The following KCNH6 variants were observed in gnomAD, a reference collection of about 807,000 sequenced individuals.
KCNH6 encodes voltage-gated inwardly rectifying potassium channel KCNH6.
In KCNH6, 81 loss-of-function variants were observed where a neutral mutation model predicts 83.4. The ratio of observed to expected loss-of-function variants is 0.97; its 90% CI spans 0.81 to 1.17. The LOEUF (loss-of-function observed/expected upper bound fraction) is 1.17. KCNH6 is among the 50% of genes most tolerant of loss of function. The pLI, the probability that KCNH6 is intolerant of heterozygous loss-of-function variation, is 0.00. For missense variants in KCNH6, 1,203 were observed against 1,290.5 expected (o/e 0.93, Z 1.04); for synonymous variants, 503 against 545.6 (o/e 0.92, Z 1.09).
chr17:63,544,037 G>C (rs1430929465), intron 10 of KCNH6: 2 of 1,579,956 alleles, frequency 1.3e-6, no homozygotes, highest in African/African-American at 1.4e-5. Context: ...TGGGGCCCCA[G>C]TTCCCCTCTA....
At position 63,530,422 on chromosome 17, in the gene KCNH6, G is replaced by T; in HGVS notation, c.555G>T (p.Thr185=). 6.2e-7 allele frequency: 1 copy of T among 1,614,232 alleles called. No individual in the cohort carries two copies. The highest frequency in any genetic ancestry group is 8.5e-7 in the Non-Finnish European group (1 of 1,180,044). The change falls in exon 4 of 13, where the codon ACG becomes ACT. Residue 185 remains threonine, a synonymous_variant. Coordinates refer to ENST00000314672, the MANE Select transcript of KCNH6 (RefSeq NM_001278919.2). Reference sequence around the variant, plus strand: ...CCATCAGCCAGATCCCACAGTTCACGCTCAACTTCGTGGAGTTCAACTTGG... The same window carrying T: ...CCATCAGCCAGATCCCACAGTTCACTCTCAACTTCGTGGAGTTCAACTTGG... ...YRTISQIPQF[T]LNFVEFNLEK... is the part of the protein sequence containing the mutation.
At position 63,545,907 on chromosome 17, in the gene KCNH6, C is replaced by T. The variant is rs368568960; in HGVS notation, c.*5C>T. On this transcript the variant is annotated 3_prime_UTR_variant, in exon 13 of 13. Coordinates refer to ENST00000314672, the MANE Select transcript of KCNH6 (RefSeq NM_001278919.2). Reference sequence around the variant, plus strand: ...GCAGGGAGTTGGGGCCACTGAACTCCAAGATAAAGACACCATGAGGGGACT... The same window carrying T: ...GCAGGGAGTTGGGGCCACTGAACTCTAAGATAAAGACACCATGAGGGGACT... 1.5e-5 allele frequency: 25 copies of T among 1,612,920 alleles called. No homozygotes were observed. Among genetic ancestry groups the T allele is most frequent in the Non-Finnish European group, 2.1e-5 (25 of 1,179,574 alleles).
rs778819571 is a variant in KCNH6 at position 63,545,089 on chromosome 17, G to A, written c.2408G>A (p.Arg803His). The change falls in exon 12 of 13, where the codon CGC becomes CAC. Residue 803 changes from arginine to histidine, a missense_variant. Arg to His is a conservative substitution (Grantham distance 29). Transcript: ENST00000314672. ...LQAQMNRLES[R>H]VSSDLSRILQ... ...GTTCTGTCTGGCAGGCTGGAGTCCC[G>A]CGTGTCCTCAGACCTCAGCCGCATC... The A allele has an allele frequency of 3.2e-5, 52 of 1,612,928 alleles. No homozygotes were observed. The highest frequency in any genetic ancestry group is 6.7e-5 in the East Asian group (3 of 44,898).
rs764346088 is a variant in KCNH6, at chr17:63,545,207, C to T, written c.2526C>T (p.Ala842=). Residue 842 remains alanine, a synonymous_variant, in exon 12 of 13, where the codon GCC becomes GCT. Transcript: ENST00000314672. Reference sequence around the variant, plus strand: ...ATGACCTGGCCTTGGTTCCTATAGCCTCGGAGACGACGAGTCCAGGGCCCA... The same window carrying T: ...ATGACCTGGCCTTGGTTCCTATAGCTTCGGAGACGACGAGTCCAGGGCCCA... The part of the protein sequence containing the change: ...ASNDLALVPI[A]SETTSPGPRL... 1.7e-5 allele frequency: 28 copies of T among 1,613,684 alleles called. No individual in the cohort carries two copies. The highest frequency in any genetic ancestry group is 2.2e-5 in the Non-Finnish European group (26 of 1,180,040).
rs909521382 is a variant in KCNH6, at chr17:63,535,186, G to A, written c.1102-483G>A. On this transcript the variant is annotated intron_variant, in intron 5 of 12. Transcript: ENST00000314672. This position sits in a 1 kb window ranked among gnomAD's most constrained non-coding sequence, Gnocchi z 4.9. The stretch of plus-strand genomic sequence containing the variant: ...AGCCCACAGGCAGCAGCCCCTGCCC[G>A]CCCTGCCCTTCCCAGGCACGGCTCT... Among the ~76,000 whole-genome samples, 1 of 152,132 alleles carries A rather than the reference G, an allele frequency of 6.6e-6. No homozygotes were observed. The highest frequency in any genetic ancestry group is 2.1e-4 in the South Asian group (1 of 4,828).
chr17:63,533,846 G>A lies in KCNH6; in HGVS notation c.676-40G>A. On this transcript the variant is annotated intron_variant, in intron 4 of 12. Transcript: ENST00000314672. The surrounding 1 kb of genome is among the most constrained non-coding windows in gnomAD (Gnocchi z 4.1). ...CCTCTAGGCCAGTCTCACCAGCAGTGGCTGCCCCGTGCCTGACCTCCCTCG... is the reference window on the plus strand; with the variant it reads ...CCTCTAGGCCAGTCTCACCAGCAGTAGCTGCCCCGTGCCTGACCTCCCTCG... The A allele has an allele frequency of 6.3e-7, 1 of 1,579,756 alleles. No homozygotes were observed. Among genetic ancestry groups the A allele is most frequent in the Non-Finnish European group, 8.6e-7 (1 of 1,162,672 alleles).
intron 4 of KCNH6, 130 bp downstream of exon 4, chr17:63,530,672 G>A: frequency 1.3e-6 from 1 of 793,858 alleles, no homozygotes; most frequent in East Asian, 2.7e-5. Context: ...TCTAATATCT[G>A]GTTTGAGCCC....
chr17:63,538,248 G>C lies in KCNH6; in HGVS notation c.1685G>C (p.Gly562Ala). The C allele has an allele frequency of 1.2e-6, 2 of 1,614,134 alleles. No individual in the cohort carries two copies. The highest frequency in any genetic ancestry group is 1.7e-6 in the Non-Finnish European group (2 of 1,180,026). The change falls in exon 7 of 13, where the codon GGC becomes GCC. Residue 562 changes from glycine (G) to alanine (A), a missense_variant. Transcript: ENST00000314672. This position sits in a 1 kb window ranked among gnomAD's most constrained non-coding sequence, Gnocchi z 4.0. Reference sequence around the variant, plus strand: ...CAGCACGCCTGGTCCTACACCAATGGCATTGACATGAACGCGGTGAGCCCC... The same window carrying C: ...CAGCACGCCTGGTCCTACACCAATGCCATTGACATGAACGCGGTGAGCCCC... ...YFQHAWSYTN[G>A]IDMNAVLKGF...
rs1255531210 is a variant in KCNH6, at chr17:63,530,497, T to C, written c.630T>C (p.His210=). 6.2e-7 allele frequency: 1 copy of C among 1,614,058 alleles called. No individual in the cohort carries two copies. The highest frequency in any genetic ancestry group is 1.1e-5 in the South Asian group (1 of 91,082). Residue 210 remains histidine (H), a synonymous_variant, in exon 4 of 13, where the codon CAT becomes CAC. Transcript: ENST00000314672. ...STTEIEIIAP[H]KVVERTQNVT... ...CGGAGATTGAGATCATCGCGCCCCA[T>C]AAGGTGGTGGAGCGGACACAGAACG... is the stretch of plus-strand genomic sequence containing the variant.
At position 63,544,229 on chromosome 17, in the gene KCNH6, C is replaced by A; in HGVS notation, c.2234-20C>A. The A allele has an allele frequency of 6.3e-7, 1 of 1,586,130 alleles. No homozygotes were observed. Among genetic ancestry groups the A allele is most frequent in the Non-Finnish European group, 8.6e-7 (1 of 1,163,232 alleles). ...TGGAACCAGCTAGGCCCAGCTGAGA[C>A]TTCCCTTTCCCTCCTGCAGATGCAG... On this transcript the variant is annotated intron_variant, in intron 10 of 12. Coordinates refer to ENST00000314672, the MANE Select transcript of KCNH6 (RefSeq NM_001278919.2).
chr17:63,543,343 C>T (rs2032973720), intron 9 of KCNH6, among the ~76,000 whole-genome samples: 1 of 152,010 alleles, frequency 6.6e-6, no homozygotes, highest in Non-Finnish European at 1.5e-5. Flanking sequence ...TGCCCTCGGC[C>T]CCCAGCCATC....
Position 63,535,675 on chromosome 17 carries a change from A to G in KCNH6, c.1108A>G (p.Thr370Ala). The G allele has an allele frequency of 1.2e-6, 2 of 1,602,914 alleles. No individual in the cohort carries two copies. Among genetic ancestry groups the G allele is most frequent in the Non-Finnish European group, 8.5e-7 (1 of 1,172,698 alleles). Residue 370 changes from threonine to alanine, a missense_variant, in exon 6 of 13, where the codon ACC becomes GCC. Thr to Ala is a moderately conservative substitution (Grantham distance 58). Transcript: ENST00000314672. This position sits in a 1 kb window ranked among gnomAD's most constrained non-coding sequence, Gnocchi z 4.9. ...CATTTCCCTACCCCTCCAGACCACAACCCTGATTGGGCTATTGAAGACAGC... is the reference window on the plus strand; with the variant it reads ...CATTTCCCTACCCCTCCAGACCACAGCCCTGATTGGGCTATTGAAGACAGC... ...IFRTGSDETT[T>A]LIGLLKTARL...
At chr17:63,543,767 AG>A in intron 10 of KCNH6, 107 bp downstream of exon 10, 1 of 735,368 alleles carries the variant, frequency 1.4e-6, no homozygotes. Flanking sequence ...CCACTCCATG[AG>A]TGGAGAGGGG....
rs2032257620 is a variant in KCNH6 at position 63,533,513 on chromosome 17, C to G, written c.676-373C>G. On this transcript the variant is annotated intron_variant, in intron 4 of 12. Transcript: ENST00000314672. The surrounding 1 kb of genome is among the most constrained non-coding windows in gnomAD (Gnocchi z 4.1). ...GAGAGGATCAGCCCATCAGCTACCC[C>G]TTCTGTGGGCTCTTGTGTGGAATGG... Among the ~76,000 whole-genome samples the G allele has an allele frequency of 6.6e-6, 1 of 152,094 alleles. No homozygotes were observed. Among genetic ancestry groups the G allele is most frequent in the South Asian group, 2.1e-4 (1 of 4,832 alleles).
At chr17:63,524,891 T>G (rs950322808) in intron 2 of KCNH6, among the ~76,000 whole-genome samples, 4 of 152,110 alleles carry the variant, frequency 2.6e-5, no homozygotes, top group Admixed American at 2.6e-4. Flanking sequence ...GAGTTTGGGT[T>G]GTTACTGCCA....
rs1268076248 is a variant in KCNH6, at chr17:63,542,528, A to G, written c.2148+94A>G. 3.7e-6 allele frequency: 4 copies of G among 1,072,048 alleles called. No individual in the cohort carries two copies. The African/African-American group carries it at 6.3e-5, about 17-fold the overall frequency. The allele number at this position is 1,072,048 out of a possible 1,614,324, so 66.4% of individuals were successfully genotyped here. A position where few individuals can be genotyped will look rare whatever the true frequency, so the allele number is the denominator to read the frequency against. On this transcript the variant is annotated intron_variant, in intron 9 of 12. Transcript: ENST00000314672. Reference sequence around the variant, plus strand: ...CATCTGACCAACACCCTTCCTTTCAACCCCATCCTGCAACCTTTGCCATAA... The same window carrying G: ...CATCTGACCAACACCCTTCCTTTCAGCCCCATCCTGCAACCTTTGCCATAA...
chr17:63,545,209 C>CGGAGA lies in KCNH6; in HGVS notation c.2529_2533dup (p.Thr845ArgfsTer67). 6.2e-7 allele frequency: 1 copy of CGGAGA among 1,613,736 alleles called. No individual in the cohort carries two copies. Among genetic ancestry groups the CGGAGA allele is most frequent in the Non-Finnish European group, 8.5e-7 (1 of 1,180,018 alleles). ...GACCTGGCCTTGGTTCCTATAGCCTCGGAGACGACGAGTCCAGGGCCCAGG... is the reference window on the plus strand; with the variant it reads ...GACCTGGCCTTGGTTCCTATAGCCTCGGAGAGGAGACGACGAGTCCAGGGCCCAGG... On this transcript the variant is annotated frameshift_variant, in exon 12 of 13. Transcript: ENST00000314672. LOFTEE classifies it high-confidence loss of function.
Position 63,530,900 on chromosome 17 carries a change from G to A in KCNH6, c.675+358G>A, listed in dbSNP as rs562329886. ...CCCGTCACAGGGAAGGAGAGGCAGAGAGGAGACATGCCAAGGCCATACTGA... is the reference window on the plus strand; with the variant it reads ...CCCGTCACAGGGAAGGAGAGGCAGAAAGGAGACATGCCAAGGCCATACTGA... On this transcript the variant is annotated intron_variant, in intron 4 of 12. Transcript: ENST00000314672. Among the ~76,000 whole-genome samples the A allele has an allele frequency of 1.2e-4, 18 of 152,332 alleles. No individual in the cohort carries two copies. The South Asian group carries it at 3.7e-3, about 32-fold the overall frequency.
chr17:63,529,023 C>T (rs1221509558), intron 2 of KCNH6, among the ~76,000 whole-genome samples: 3 of 152,102 alleles, frequency 2.0e-5, no homozygotes, highest in East Asian at 1.9e-4. Context: ...TTAGTACAGA[C>T]GGGGTTTCAC....
Sources: gnomAD v4.1 joint callset for allele counts (sites outside exome capture counted in the v4.1 genomes callset) on GRCh38, gnomAD v4.1.1 for gene constraint, Gnocchi (gnomAD v3.1) non-coding constraint, MANE v1.5 for transcripts, NCBI Gene and HGNC (gene_info 2026-07-23, HGNC 2026-07-21) for gene names.